Variants in NRG1 observed in about 807,000 individuals in gnomAD.
NRG1 encodes the protein pro-neuregulin-1, membrane-bound isoform.
Under a neutral mutation model 63.8 loss-of-function variants are expected in NRG1, and 18 were observed. The observed-to-expected ratio is 0.28, with a 90% confidence interval of 0.19 to 0.42. NRG1 has a LOEUF of 0.42. NRG1 is among the 10% of genes least tolerant of loss of function. The pLI, the probability that NRG1 is intolerant of heterozygous loss-of-function variation, is 1.00. For synonymous variants in NRG1, 302 were observed against 301.3 expected, an observed-to-expected ratio of 1.00 and a Z score of -0.02; for missense variants, 762 against 814.7, an observed-to-expected ratio of 0.94 and a Z score of 0.79.
At chr8:32,498,105 G>A (rs10808326) in intron 1 of NRG1, among the ~76,000 whole-genome samples, 94,807 of 152,066 alleles carry the variant, frequency 0.62, 29,802 homozygotes, top group East Asian at 0.79. Context: ...TTACAGGTGT[G>A]AGCCACTGTG....
At chr8:32,151,949 A>G (rs997836032) in intron 1 of NRG1, among the ~76,000 whole-genome samples, 2 of 152,196 alleles carry the variant, frequency 1.3e-5, no homozygotes, top group Non-Finnish European at 2.9e-5. Flanking sequence ...AGAAAAATGA[A>G]AATTCCTAGC....
chr8:32,274,960 AG>A (rs1851936605), intron 1 of NRG1, among the ~76,000 whole-genome samples: 1 of 152,170 alleles, frequency 6.6e-6, no homozygotes, highest in South Asian at 2.1e-4. Context: ...ATGTACCAGA[AG>A]GGGAGCAGCA....
intron 1 of NRG1, among the ~76,000 whole-genome samples, chr8:31,715,110 T>G (rs2131276609): frequency 6.6e-6 from 1 of 152,252 alleles, no homozygotes; most frequent in South Asian, 2.1e-4. Flanking sequence ...AATGTATAAT[T>G]GATTAAGGAG....
chr8:32,642,256 C>A (rs1588921097), intron 5 of NRG1, among the ~76,000 whole-genome samples: 1 of 152,312 alleles, frequency 6.6e-6, no homozygotes, highest in East Asian at 1.9e-4. Flanking sequence ...TAAAACCAAA[C>A]AAAATGTATG....
At chr8:32,730,246 G>A (rs1302733197) in intron 6 of NRG1, among the ~76,000 whole-genome samples, 1 of 152,068 alleles carries the variant, frequency 6.6e-6, no homozygotes, top group African/African-American at 2.4e-5. Context: ...CCAGGAGTTG[G>A]AGACCAACCT....
At chr8:32,160,654 T>G (rs879415993) in intron 1 of NRG1, among the ~76,000 whole-genome samples, 9 of 152,344 alleles carry the variant, frequency 5.9e-5, no homozygotes, top group Middle Eastern at 3.4e-3. Context: ...TAAGTCTGGG[T>G]GGGTCCTAAT....
rs1342794278 is a variant in NRG1 at position 31,639,683 on chromosome 8, G to T, written c.37+252G>T. Reference sequence around the variant, plus strand: ...CTCGGGCGCGGCGGCGGCGCGGGGGGTGGGGGGACCTGTCACTCCCTGTAA... The same window carrying T: ...CTCGGGCGCGGCGGCGGCGCGGGGGTTGGGGGGACCTGTCACTCCCTGTAA... On this transcript the variant is annotated intron_variant, in intron 1 of 10. Transcript: ENST00000519301. 3 of 1,401,388 alleles carry T rather than the reference G, an allele frequency of 2.1e-6. No individual in the cohort carries two copies. In the African/African-American group the frequency reaches 4.6e-5, roughly 21 times the overall value. 86.8% of individuals were successfully genotyped at this position (1,401,388 alleles called of 1,614,324 possible).
chr8:32,761,660 T>G (rs1245663897), intron 11 of NRG1, among the ~76,000 whole-genome samples: 10 of 151,960 alleles, frequency 6.6e-5, no homozygotes, highest in Admixed American at 6.6e-4. Flanking sequence ...GTTTACATAA[T>G]GTCAAATTCA....
chr8:32,080,338 C>T (rs1041201551), intron 1 of NRG1, among the ~76,000 whole-genome samples: 7 of 152,100 alleles, frequency 4.6e-5, no homozygotes, highest in South Asian at 2.1e-4. Flanking sequence ...AGAGAAGTGT[C>T]GCATCCCTTA....
At chr8:31,642,482 A>G (rs991200221) in intron 1 of NRG1, among the ~76,000 whole-genome samples, 4 of 152,218 alleles carry the variant, frequency 2.6e-5, no homozygotes, top group Non-Finnish European at 5.9e-5. Context: ...CTTGAGAGGT[A>G]AAGTTCTTAC....
At chr8:32,719,039 G>A (rs1474722828) in intron 5 of NRG1, among the ~76,000 whole-genome samples, 1 of 152,032 alleles carries the variant, frequency 6.6e-6, no homozygotes, top group African/African-American at 2.4e-5. Context: ...TAAGAGCAAT[G>A]CTGAATAGTA....
At chr8:32,565,021 G>A (rs1837178209) in intron 1 of NRG1, among the ~76,000 whole-genome samples, 1 of 152,110 alleles carries the variant, frequency 6.6e-6, no homozygotes, top group African/African-American at 2.4e-5. Context: ...AGTGAACCAT[G>A]ATCATATCAC....
chr8:32,324,517 G>T lies in NRG1; in HGVS notation c.38-271311G>T, dbSNP rs180891073. Among the ~76,000 whole-genome samples the T allele has an allele frequency of 2.3e-3, 343 of 152,214 alleles. 1 individual carries two copies. The highest frequency in any genetic ancestry group is 7.7e-3 in the African/African-American group (321 of 41,544). ...AATGGGTGGAGGCTTCTAACTAATG[G>T]GGAAGGCATCTCTGAAACAAGCTGA... is the stretch of plus-strand genomic sequence containing the variant. On this transcript the variant is annotated intron_variant, in intron 1 of 10. Coordinates refer to the NRG1 transcript ENST00000519301.
At chr8:32,086,757 A>C (rs1563769756) in intron 1 of NRG1, among the ~76,000 whole-genome samples, 1 of 152,194 alleles carries the variant, frequency 6.6e-6, no homozygotes, top group Non-Finnish European at 1.5e-5. Flanking sequence ...ATGTGTTATA[A>C]ATTTCACTTA....
rs897022031 is a variant in NRG1 at position 32,756,234 on chromosome 8, A to G, written c.795-169A>G. Reference sequence around the variant, plus strand: ...GGCTTTTAAAATCTGTTTGGTAAGGATGTGTGGTTTCACTTATTCTGGGAT... The same window carrying G: ...GGCTTTTAAAATCTGTTTGGTAAGGGTGTGTGGTTTCACTTATTCTGGGAT... On this transcript the variant is annotated intron_variant, in intron 8 of 11. Transcript: ENST00000356819. 6.6e-5 allele frequency among the ~76,000 whole-genome samples: 10 copies of G among 151,982 alleles called. No homozygotes were observed. The South Asian group carries it at 2.1e-3, about 32-fold the overall frequency.
intron 1 of NRG1, among the ~76,000 whole-genome samples, chr8:31,880,480 T>G (rs73671962): frequency 6.6e-6 from 1 of 152,178 alleles, no homozygotes; most frequent in Non-Finnish European, 1.5e-5. Flanking sequence ...AGTGAAGAAA[T>G]GGGTCTAATA....
At chr8:32,479,789 A>G (rs543892107) in intron 1 of NRG1, among the ~76,000 whole-genome samples, 6 of 152,142 alleles carry the variant, frequency 3.9e-5, no homozygotes, top group African/African-American at 1.2e-4. Flanking sequence ...AGCTGGGACT[A>G]CAGGCATGCA....
intron 1 of NRG1, among the ~76,000 whole-genome samples, chr8:31,684,348 T>C (rs1451393390): frequency 6.6e-6 from 1 of 152,176 alleles, no homozygotes; most frequent in Non-Finnish European, 1.5e-5. Flanking sequence ...TGGAAGGAAC[T>C]ACGTTGGCCT....
At chr8:32,545,859 G>A (rs548258496), upstream of NRG1, among the ~76,000 whole-genome samples, 27 of 152,118 alleles carry the variant, frequency 1.8e-4, no homozygotes, top group African/African-American at 5.3e-4. Context: ...AAGGATTGTT[G>A]TCATGCAATT....
Sources: gnomAD v4.1 joint callset for allele counts (sites outside exome capture counted in the v4.1 genomes callset) on GRCh38, gnomAD v4.1.1 for gene constraint, MANE v1.5 for transcripts, NCBI Gene and HGNC (gene_info 2026-07-23, HGNC 2026-07-21) for gene names.